CWF19L2: variants seen among roughly 807,000 people sequenced by gnomAD.
The protein encoded by CWF19L2 is CWF19 like cell cycle control factor 2, also known as CWF19-like protein 2.
In CWF19L2, 98 loss-of-function variants were observed where a neutral mutation model predicts 111.7. The ratio of observed to expected loss-of-function variants is 0.88; its 90% CI spans 0.75 to 1.04. The LOEUF (loss-of-function observed/expected upper bound fraction) is 1.04, where lower values mean the gene tolerates loss of function less well. CWF19L2 is among the 50% of genes least tolerant of loss of function. The probability of loss-of-function intolerance (pLI) is 0.00; values close to 1 mark genes in which losing one functional copy is unlikely to be tolerated. For synonymous variants in CWF19L2, 351 were observed against 342.9 expected (o/e 1.02, Z -0.26); for missense variants, 1,101 against 1,051.4 (o/e 1.05, Z -0.65).
intron 17 of CWF19L2, among the ~76,000 whole-genome samples, chr11:107,327,361 T>A (rs903585672): frequency 6.6e-6 from 1 of 152,098 alleles, no homozygotes; most frequent in Non-Finnish European, 1.5e-5. Flanking sequence ...ATTAATATGA[T>A]CTCTATTAGA....
At chr11:107,346,433 C>T (rs1565246485) in intron 14 of CWF19L2, among the ~76,000 whole-genome samples, 2 of 152,112 alleles carry the variant, frequency 1.3e-5, no homozygotes, top group South Asian at 2.1e-4. Flanking sequence ...TCCATAAGAT[C>T]TGACTTAAAT....
At chr11:107,390,327 C>T in intron 11 of CWF19L2, 116 bp from the exon 12 acceptor site, 1 of 863,140 alleles carries the variant, frequency 1.2e-6, no homozygotes, top group Non-Finnish European at 1.7e-6. Flanking sequence ...TAATCACAAC[C>T]TTTCCTTCCA....
chr11:107,428,335 A>ATC (rs1861409297), intron 8 of CWF19L2, among the ~76,000 whole-genome samples: 1 of 151,976 alleles, frequency 6.6e-6, no homozygotes, highest in African/African-American at 2.4e-5. Flanking sequence ...CCTCTGCAAG[A>ATC]TCTCTGGCAT....
chr11:107,358,010 G>A (rs537341), intron 12 of CWF19L2, among the ~76,000 whole-genome samples: 125,601 of 152,098 alleles, frequency 0.83, 52,400 homozygotes, highest in African/African-American at 0.95. Flanking sequence ...TCAATTTGGC[G>A]CACCATAAAC....
chr11:107,426,753 C>T lies in CWF19L2; in HGVS notation c.1433+2046G>A, dbSNP rs1179480724. Among the ~76,000 whole-genome samples, 5 of 151,088 alleles carry T rather than the reference C, an allele frequency of 3.3e-5. No individual in the cohort carries two copies. The South Asian group carries it at 1.0e-3, about 31-fold the overall frequency. The stretch of plus-strand genomic sequence containing the variant: ...ATGCATTGTAGAGCTATTTAACTTA[C>T]ATATATTAAATATATAAGTTATGTT... On this transcript the variant is annotated intron_variant, in intron 8 of 17. Coordinates refer to ENST00000282251, the MANE Select transcript of CWF19L2 (RefSeq NM_152434.3).
intron 16 of CWF19L2, among the ~76,000 whole-genome samples, chr11:107,332,848 G>A (rs1401857772): frequency 6.6e-6 from 1 of 152,034 alleles, no homozygotes; most frequent in Admixed American, 6.6e-5. Context: ...GGGGCTGGGC[G>A]CAGTGGCTCA....
At chr11:107,440,227 T>C (rs2135419642) in intron 5 of CWF19L2, among the ~76,000 whole-genome samples, 1 of 152,278 alleles carries the variant, frequency 6.6e-6, no homozygotes, top group African/African-American at 2.4e-5. Context: ...AAATGCTTCC[T>C]ACAAGAAGTA....
In CWF19L2 at chr11:107,392,784, GTC is replaced by G; in HGVS notation, c.1727_1728del (p.Arg576ThrfsTer7). On this transcript the variant is annotated frameshift_variant, in exon 11 of 18. Coordinates refer to ENST00000282251, the MANE Select transcript of CWF19L2 (RefSeq NM_152434.3). LOFTEE classifies it high-confidence loss of function. ...SLESQGGRRK[R>X]QMVSTHEERE... Reference sequence around the variant, plus strand: ...AAGACATATGTTAAACATACCATCTGTCTCTTTCTTCTTCCTCCTTGTGATTC... The same window carrying G: ...AAGACATATGTTAAACATACCATCTGTCTTTCTTCTTCCTCCTTGTGATTC... 1 of 1,563,764 alleles carries G rather than the reference GTC, an allele frequency of 6.4e-7. No individual in the cohort carries two copies. Among genetic ancestry groups the G allele is most frequent in the Non-Finnish European group, 8.7e-7 (1 of 1,144,180 alleles).
At chr11:107,399,792 C>T (rs1860974702) in intron 10 of CWF19L2, among the ~76,000 whole-genome samples, 1 of 152,158 alleles carries the variant, frequency 6.6e-6, no homozygotes, top group Non-Finnish European at 1.5e-5. Context: ...ATGGAACTTT[C>T]TCCAAGATAG....
chr11:107,427,152 TTGTA>T (rs1249390405), intron 8 of CWF19L2, among the ~76,000 whole-genome samples: 1 of 152,030 alleles, frequency 6.6e-6, no homozygotes, highest in Non-Finnish European at 1.5e-5. Flanking sequence ...CAAAGATTAT[TTGTA>T]ACAACTAGGC....
At chr11:107,417,885 C>T (rs1298128245) in intron 9 of CWF19L2, among the ~76,000 whole-genome samples, 2 of 151,884 alleles carry the variant, frequency 1.3e-5, no homozygotes, top group Admixed American at 1.3e-4. Flanking sequence ...TCAGCCACCC[C>T]GATAGCTGGA....
intron 14 of CWF19L2, among the ~76,000 whole-genome samples, chr11:107,346,816 C>G (rs972830831): frequency 1.3e-5 from 2 of 152,158 alleles, no homozygotes; most frequent in Admixed American, 1.3e-4. Context: ...CAGCCTTCTT[C>G]CCCCATTCAG....
At chr11:107,361,531 T>C (rs1324344720) in intron 12 of CWF19L2, among the ~76,000 whole-genome samples, 2 of 152,222 alleles carry the variant, frequency 1.3e-5, no homozygotes, top group African/African-American at 4.8e-5. Flanking sequence ...GGTATGTTGA[T>C]AGAGATTATA....
chr11:107,402,073 A>C (rs973754145), intron 10 of CWF19L2, among the ~76,000 whole-genome samples: 1 of 152,208 alleles, frequency 6.6e-6, no homozygotes, highest in Non-Finnish European at 1.5e-5. Flanking sequence ...CTTTATACAA[A>C]AATCAACTCA....
At chr11:107,422,156 G>A (rs1414816681) in intron 8 of CWF19L2, among the ~76,000 whole-genome samples, 1 of 152,040 alleles carries the variant, frequency 6.6e-6, no homozygotes, top group Non-Finnish European at 1.5e-5. Flanking sequence ...TCTAGAAGAT[G>A]CAAACTACGG....
chr11:107,372,918 C>A (rs1860534238), intron 12 of CWF19L2, among the ~76,000 whole-genome samples: 1 of 124,716 alleles, frequency 8.0e-6, no homozygotes, highest in Non-Finnish European at 1.6e-5. Flanking sequence ...GGTGCGCGCA[C>A]CATGCGTGAG....
intron 14 of CWF19L2, among the ~76,000 whole-genome samples, chr11:107,348,231 A>T (rs1860109285): frequency 6.6e-6 from 1 of 152,114 alleles, no homozygotes; most frequent in Non-Finnish European, 1.5e-5. Context: ...GTGCAGTGCT[A>T]ACTTACAATT....
chr11:107,387,532 C>T lies in CWF19L2; in HGVS notation c.1872+2542G>A, dbSNP rs75334132. Among the ~76,000 whole-genome samples, 1,335 of 152,000 alleles carry T rather than the reference C, an allele frequency of 8.8e-3. 17 individuals are homozygous for T. Among genetic ancestry groups the T allele is most frequent in the African/African-American group, 0.031 (1,269 of 41,394 alleles). ...AAACAAATATGAAAGTTATCCATGG[C>T]CTGTAAGACACTACCTCAGCAGTCC... On this transcript the variant is annotated intron_variant, in intron 12 of 17. Coordinates refer to ENST00000282251, the MANE Select transcript of CWF19L2 (RefSeq NM_152434.3).
intron 10 of CWF19L2, among the ~76,000 whole-genome samples, chr11:107,407,313 GT>G (rs1223523239): frequency 6.6e-6 from 1 of 150,414 alleles, no homozygotes; most frequent in African/African-American, 2.4e-5. Flanking sequence ...CCTTGGGTTT[GT>G]TTTTTTTCCA....
Sources: allele counts gnomAD v4.1 joint callset (sites outside exome capture counted in the v4.1 genomes callset), GRCh38; gene constraint gnomAD v4.1.1; transcripts MANE v1.5; gene names NCBI Gene and HGNC (gene_info 2026-07-23, HGNC 2026-07-21).